RIMBP2: variants seen among roughly 807,000 people sequenced by gnomAD.
The protein encoded by RIMBP2 is RIMS-binding protein 2.
In RIMBP2, 48 loss-of-function variants were observed where a neutral mutation model predicts 118.6. That is an observed-to-expected ratio of 0.40 (90% CI 0.32 to 0.51). The LOEUF (loss-of-function observed/expected upper bound fraction) is 0.51, where lower values mean the gene tolerates loss of function less well. RIMBP2 is among the 20% of genes least tolerant of loss of function. The pLI, the probability that RIMBP2 is intolerant of heterozygous loss-of-function variation, is 0.41. For missense variants in RIMBP2, 1,551 were observed against 1,768.3 expected, an observed-to-expected ratio of 0.88 and a Z score of 2.20; for synonymous variants, 762 against 742.9, an observed-to-expected ratio of 1.03 and a Z score of -0.42.
intron 2 of RIMBP2, among the ~76,000 whole-genome samples, chr12:130,562,122 C>T (rs1377959337): frequency 6.6e-6 from 1 of 152,090 alleles, no homozygotes; most frequent in Non-Finnish European, 1.5e-5. Context: ...AAATATATAT[C>T]CATCACTCTT....
chr12:130,453,810 T>C (rs868083061), intron 7 of RIMBP2, among the ~76,000 whole-genome samples: 28 of 152,198 alleles, frequency 1.8e-4, no homozygotes, highest in African/African-American at 6.5e-4. Flanking sequence ...TCCCAGCACT[T>C]TGGGAGACCG....
chr12:130,506,686 G>A lies in RIMBP2; in HGVS notation c.-42C>T. 1.0e-6 allele frequency: 1 copy of A among 985,768 alleles called. No homozygotes were observed. The highest frequency in any genetic ancestry group is 1.2e-6 in the Non-Finnish European group (1 of 829,942). 61.1% of individuals were successfully genotyped at this position (985,768 alleles called of 1,614,324 possible). A position where few individuals can be genotyped will look rare whatever the true frequency, so the allele number is the denominator to read the frequency against. ...TCTAGGTTCTCCAGCTTGGCTTGGA[G>A]CTGGTGTTTCTCCTTCACGGCCAAA... On this transcript the variant is annotated 5_prime_UTR_variant, in exon 4 of 23. Coordinates refer to ENST00000690449, the MANE Select transcript of RIMBP2 (RefSeq NM_001393629.1).
rs188724797 is a variant in RIMBP2 at position 130,424,790 on chromosome 12, G to A, written c.2481C>T (p.His827=). 128 of 1,232,902 alleles carry A rather than the reference G, an allele frequency of 1.0e-4. No individual in the cohort carries two copies. In the African/African-American group the frequency reaches 1.6e-3, roughly 15 times the overall value. 76.4% of individuals were successfully genotyped at this position (1,232,902 alleles called of 1,614,324 possible). Residue 827 remains histidine (H), a synonymous_variant, in exon 16 of 23, where the codon CAC becomes CAT. Transcript: ENST00000690449. The surrounding 1 kb of genome is among the most constrained non-coding windows in gnomAD (Gnocchi z 9.8). ...CGGGGATACTGAAAAGTCTCTTCCT[G>A]TGGGGCTGGTGGGGAAACTCGGGCT... ...WEQPEFPHQP[H]RKRLFSIPEV...
intron 11 of RIMBP2, among the ~76,000 whole-genome samples, chr12:130,441,311 G>A (rs2078102399): frequency 6.6e-6 from 1 of 151,764 alleles, no homozygotes; most frequent in African/African-American, 2.4e-5. Flanking sequence ...TGAGGCAGGA[G>A]AATCGCTTGA....
intron 2 of RIMBP2, among the ~76,000 whole-genome samples, chr12:130,580,974 T>C (rs942853077): frequency 6.6e-6 from 1 of 152,050 alleles, no homozygotes; most frequent in African/African-American, 2.4e-5. Context: ...TGTGTATGTA[T>C]ATATAGATAT....
intron 16 of RIMBP2, among the ~76,000 whole-genome samples, chr12:130,423,676 A>G (rs1302670051): frequency 1.8e-5 from 2 of 113,898 alleles, no homozygotes; most frequent in South Asian, 2.8e-4. Flanking sequence ...AAAAAAAAAA[A>G]TAGATTTCTT....
chr12:130,699,590 A>T (rs1268601500), intron 1 of RIMBP2, among the ~76,000 whole-genome samples: 1 of 39,268 alleles, frequency 2.5e-5, no homozygotes, highest in Non-Finnish European at 4.7e-5. Flanking sequence ...GGGTGGGGGG[A>T]GGGGGGAGGG....
intron 2 of RIMBP2, among the ~76,000 whole-genome samples, chr12:130,521,405 C>T (rs138165823): frequency 1.2e-3 from 183 of 152,234 alleles, no homozygotes; most frequent in African/African-American, 4.3e-3. Flanking sequence ...CGTGACAGTT[C>T]CCAGGAGGAG....
intron 1 of RIMBP2, among the ~76,000 whole-genome samples, chr12:130,684,717 T>C (rs1241801677): frequency 6.6e-6 from 1 of 152,240 alleles, no homozygotes; most frequent in Non-Finnish European, 1.5e-5. Flanking sequence ...ATGTAGTAAT[T>C]AAGAAAATTA....
chr12:130,409,005 ATG>A (rs1333568520), intron 19 of RIMBP2, among the ~76,000 whole-genome samples: 1 of 151,998 alleles, frequency 6.6e-6, no homozygotes, highest in Non-Finnish European at 1.5e-5. Flanking sequence ...GGACCTGCAC[ATG>A]TGTGTCTCCT....
rs78091343 is a variant in RIMBP2, at chr12:130,417,378, G to A, written c.3239-3072C>T. 1.2e-4 allele frequency among the ~76,000 whole-genome samples: 19 copies of A among 152,306 alleles called. No homozygotes were observed. The East Asian group carries it at 3.1e-3, about 25-fold the overall frequency. Reference sequence around the variant, plus strand: ...AGTGGATTGAATAAAGATGTGGTGCGTATACCACATGGAATGCTATGCAGC... The same window carrying A: ...AGTGGATTGAATAAAGATGTGGTGCATATACCACATGGAATGCTATGCAGC... On this transcript the variant is annotated intron_variant, in intron 17 of 22. Transcript: ENST00000690449.
intron 2 of RIMBP2, among the ~76,000 whole-genome samples, chr12:130,619,560 G>A (rs945974008): frequency 2.0e-5 from 3 of 152,164 alleles, no homozygotes; most frequent in Non-Finnish European, 4.4e-5. Flanking sequence ...CTGTATTAAG[G>A]GGTCTGGGAG....
chr12:130,452,781 C>T (rs536590375), intron 7 of RIMBP2, among the ~76,000 whole-genome samples: 10 of 152,358 alleles, frequency 6.6e-5, no homozygotes, highest in African/African-American at 2.4e-4. Flanking sequence ...GAACTTGGCC[C>T]TTCCTGCCTG....
At chr12:130,438,334 A>AGCCCCCCC in intron 12 of RIMBP2, 31 bp downstream of exon 12, 2 of 1,344,512 alleles carry the variant, frequency 1.5e-6, no homozygotes, top group Non-Finnish European at 1.1e-6. Context: ...GGGCCTAACA[A>AGCCCCCCC]ACCCTCCCCA....
In RIMBP2 at chr12:130,688,823, C is replaced by T. The variant is rs950879082; in HGVS notation, c.-352+27399G>A. Among the ~76,000 whole-genome samples the T allele has an allele frequency of 2.0e-5, 3 of 152,250 alleles. No homozygotes were observed. The highest frequency in any genetic ancestry group is 2.9e-5 in the Non-Finnish European group (2 of 68,052). ...CCCAATTCCAACTGCTCAGCTGAAACGTTTCGAACCAAGTCTAAACTCTGC... is the reference window on the plus strand; with the variant it reads ...CCCAATTCCAACTGCTCAGCTGAAATGTTTCGAACCAAGTCTAAACTCTGC... On this transcript the variant is annotated intron_variant, in intron 1 of 22. Coordinates refer to ENST00000690449, the MANE Select transcript of RIMBP2 (RefSeq NM_001393629.1). This position sits in a 1 kb window ranked among gnomAD's most constrained non-coding sequence, Gnocchi z 4.7.
chr12:130,436,094 G>C (rs1394526581), intron 13 of RIMBP2, among the ~76,000 whole-genome samples: 1 of 152,242 alleles, frequency 6.6e-6, no homozygotes, highest in Admixed American at 6.5e-5. Flanking sequence ...GATGAGAGCG[G>C]GTTCTGGGTG....
chr12:130,602,636 G>T (rs539275819), intron 2 of RIMBP2, among the ~76,000 whole-genome samples: 4 of 152,314 alleles, frequency 2.6e-5, no homozygotes, highest in Admixed American at 2.0e-4. Context: ...GGTAGCAAAC[G>T]TGTACTTTGA....
At chr12:130,479,672 G>A (rs1192658267) in intron 4 of RIMBP2, among the ~76,000 whole-genome samples, 1 of 151,858 alleles carries the variant, frequency 6.6e-6, no homozygotes, top group Non-Finnish European at 1.5e-5. Context: ...CCTGACTGCC[G>A]ACTCCAGTGA....
intron 2 of RIMBP2, among the ~76,000 whole-genome samples, chr12:130,599,844 G>A (rs990287120): frequency 1.3e-5 from 2 of 152,106 alleles, no homozygotes; most frequent in African/African-American, 2.4e-5. Context: ...AATTCTTGGG[G>A]CCCCCAAATC....
Sources: gnomAD v4.1 joint callset for allele counts (sites outside exome capture counted in the v4.1 genomes callset) on GRCh38, gnomAD v4.1.1 for gene constraint, Gnocchi (gnomAD v3.1) non-coding constraint, MANE v1.5 for transcripts, NCBI Gene and HGNC (gene_info 2026-07-23, HGNC 2026-07-21) for gene names.